The following ROR1 variants were observed in gnomAD, a reference collection of about 807,000 sequenced individuals.
The protein encoded by ROR1 is ROR family WNT receptor 1.
Under a neutral mutation model 78.8 loss-of-function variants are expected in ROR1, and 19 were observed. That is an observed-to-expected ratio of 0.24 (90% CI 0.17 to 0.35). The LOEUF is 0.35. ROR1 is among the 10% of genes least tolerant of loss of function. ROR1 has a pLI of 1.00. For synonymous variants in ROR1, 386 were observed against 433.6 expected, an observed-to-expected ratio of 0.89 and a Z score of 1.36; for missense variants, 917 against 1,177.8, an observed-to-expected ratio of 0.78 and a Z score of 3.24.
At chr1:64,003,918 G>A (rs1393118865) in intron 1 of ROR1, among the ~76,000 whole-genome samples, 2 of 152,122 alleles carry the variant, frequency 1.3e-5, no homozygotes, top group Admixed American at 6.6e-5. Context: ...CTGTTTTCCC[G>A]CCACCCTCCA....
At chr1:63,843,399 T>C in intron 1 of ROR1, 1 of 748,862 alleles carries the variant, frequency 1.3e-6, no homozygotes, top group South Asian at 1.4e-5. Flanking sequence ...CACCAGGTCC[T>C]CCTCCTTGCT....
At chr1:63,910,971 T>C (rs927936680) in intron 1 of ROR1, among the ~76,000 whole-genome samples, 5 of 152,200 alleles carry the variant, frequency 3.3e-5, no homozygotes, top group African/African-American at 1.2e-4. Context: ...GAGATGACTT[T>C]TGTATAAGTC....
chr1:64,167,276 A>G (rs1441092052), intron 8 of ROR1, among the ~76,000 whole-genome samples: 1 of 152,178 alleles, frequency 6.6e-6, no homozygotes, highest in Non-Finnish European at 1.5e-5. Context: ...AACCTCTCCC[A>G]TTGGCATTAT....
chr1:63,782,297 T>C (rs1399122847), intron 1 of ROR1, among the ~76,000 whole-genome samples: 1 of 152,194 alleles, frequency 6.6e-6, no homozygotes, highest in African/African-American at 2.4e-5. Context: ...GACTAAATAC[T>C]AGCCAATTAA....
chr1:64,055,179 T>C (rs1646864622), intron 4 of ROR1, among the ~76,000 whole-genome samples: 1 of 152,218 alleles, frequency 6.6e-6, no homozygotes, highest in African/African-American at 2.4e-5. Context: ...ATTGCAAAGT[T>C]TTTCTCAGCC....
At chr1:64,175,399 T>C (rs951735126) in intron 8 of ROR1, among the ~76,000 whole-genome samples, 1 of 152,192 alleles carries the variant, frequency 6.6e-6, no homozygotes, top group African/African-American at 2.4e-5. Flanking sequence ...ATATTCTATT[T>C]ACTAGCTCCA....
Position 63,774,277 on chromosome 1 carries a change from G to A in ROR1, c.-141G>A. 4.8e-6 allele frequency: 2 copies of A among 417,552 alleles called. No homozygotes were observed. The highest frequency in any genetic ancestry group is 7.9e-6 in the Non-Finnish European group (2 of 252,504). The allele number at this position is 417,552 out of a possible 1,614,324, so 25.9% of individuals were successfully genotyped here. Reference sequence around the variant, plus strand: ...CGGAGGCGAGGGAGCAGGTTAGAGGGACAAAGAGCTTTGCAGACGTCCCCG... The same window carrying A: ...CGGAGGCGAGGGAGCAGGTTAGAGGAACAAAGAGCTTTGCAGACGTCCCCG... On this transcript the variant is annotated 5_prime_UTR_variant, in exon 1 of 9. Coordinates refer to ENST00000371079, the MANE Select transcript of ROR1 (RefSeq NM_005012.4). This position sits in a 1 kb window ranked among gnomAD's most constrained non-coding sequence, Gnocchi z 5.7.
intron 2 of ROR1, among the ~76,000 whole-genome samples, chr1:64,021,242 T>C (rs1377820556): frequency 6.6e-6 from 1 of 152,344 alleles, no homozygotes; most frequent in East Asian, 1.9e-4. Context: ...TTTCTATCCA[T>C]GGTCTTTACT....
rs370737556 is a variant in ROR1 at position 64,091,061 on chromosome 1, C to T, written c.482+40345C>T. On this transcript the variant is annotated intron_variant, in intron 4 of 8. Transcript: ENST00000371079. ...TAAAGATCCTGTAGATGGTTAGAGG[C>T]AGCTAGGATTCAAATACCCATCTGT... Among the ~76,000 whole-genome samples, 19 of 152,284 alleles carry T rather than the reference C, an allele frequency of 1.2e-4. 1 individual carries two copies. The highest frequency in any genetic ancestry group is 4.6e-4 in the African/African-American group (19 of 41,564).
intron 5 of ROR1, among the ~76,000 whole-genome samples, chr1:64,139,641 G>T (rs1649236330): frequency 6.6e-6 from 1 of 152,126 alleles, no homozygotes; most frequent in South Asian, 2.1e-4. Flanking sequence ...AAGAAATTAA[G>T]CAAGTTACCC....
intron 4 of ROR1, 83 bp from the exon 5 acceptor site, chr1:64,137,286 T>C: frequency 6.8e-7 from 1 of 1,477,470 alleles, no homozygotes; most frequent in African/African-American, 1.4e-5. Context: ...CTAGTGACTA[T>C]TTAGGGTATC....
intron 4 of ROR1, among the ~76,000 whole-genome samples, chr1:64,083,536 T>TGTGTGTGTGTGTGTGTGTGTGTGTGTG (rs139973518): frequency 1.1e-4 from 16 of 150,708 alleles, no homozygotes; most frequent in South Asian, 8.4e-4. Flanking sequence ...AGTGTGTGTG[T>TGTGTGTGTGTGTGTGTGTGTGTGTGTG]TTTAGGAACA....
intron 4 of ROR1, among the ~76,000 whole-genome samples, chr1:64,098,086 G>A (rs981960244): frequency 2.0e-5 from 3 of 152,036 alleles, no homozygotes; most frequent in African/African-American, 4.8e-5. Context: ...TCTGCCACTC[G>A]ACAGGAACTT....
chr1:64,169,565 A>T (rs1460082813), intron 8 of ROR1, among the ~76,000 whole-genome samples: 1 of 152,148 alleles, frequency 6.6e-6, no homozygotes, highest in Admixed American at 6.5e-5. Context: ...GACACTGCCA[A>T]ACCATATCAT....
At chr1:64,162,519 G>A (rs1007707339) in intron 8 of ROR1, among the ~76,000 whole-genome samples, 9 of 152,206 alleles carry the variant, frequency 5.9e-5, no homozygotes, top group Admixed American at 1.3e-4. Context: ...CCTTAACGCC[G>A]AACAATCAGG....
chr1:63,955,017 T>G (rs1645969675), intron 1 of ROR1, among the ~76,000 whole-genome samples: 1 of 152,182 alleles, frequency 6.6e-6, no homozygotes, highest in Admixed American at 6.5e-5. Flanking sequence ...TGTCTGATCC[T>G]GCAAAATGCA....
rs146780190 is a variant in ROR1, at chr1:63,808,655, G to A, written c.91+34147G>A. 2.2e-3 allele frequency among the ~76,000 whole-genome samples: 333 copies of A among 152,198 alleles called. 5 individuals carry two copies. Among genetic ancestry groups the A allele is most frequent in the East Asian group, 5.2e-3 (27 of 5,174 alleles). The stretch of plus-strand genomic sequence containing the variant: ...GGAGGTTTCCCAGGTGACTTTCACC[G>A]TATTTCATTGGCCAGAAATGTGTCA... On this transcript the variant is annotated intron_variant, in intron 1 of 8. Coordinates refer to ENST00000371079, the MANE Select transcript of ROR1 (RefSeq NM_005012.4).
In ROR1 at chr1:64,142,636, A is replaced by G. The variant is rs1649355702; in HGVS notation, c.1160A>G (p.Asp387Gly). The change falls in exon 7 of 9, where the codon GAC becomes GGC. Residue 387 changes from aspartate (D) to glycine (G), a missense_variant. Asp to Gly is a moderately conservative substitution (Grantham distance 94). Transcript: ENST00000371079. ...LDENFKSDLCDIPACDSKDSK... is the reference protein window; with the variant it reads ...LDENFKSDLCGIPACDSKDSK... ...GAAAACTTTAAGTCTGATCTGTGTGACATCCCAGCGTGCGGTAAATAGAAG... is the reference window on the plus strand; with the variant it reads ...GAAAACTTTAAGTCTGATCTGTGTGGCATCCCAGCGTGCGGTAAATAGAAG... 2 of 1,614,128 alleles carry G rather than the reference A, an allele frequency of 1.2e-6. No homozygotes were observed. Among genetic ancestry groups the G allele is most frequent in the East Asian group, 4.5e-5 (2 of 44,856 alleles).
intron 1 of ROR1, among the ~76,000 whole-genome samples, chr1:63,824,791 C>T (rs147186815): frequency 2.1e-3 from 321 of 152,152 alleles, no homozygotes; most frequent in Admixed American, 4.8e-3. Flanking sequence ...AAAGAAAAAA[C>T]GCTTTCCTAT....
Sources: allele counts gnomAD v4.1 joint callset (sites outside exome capture counted in the v4.1 genomes callset), GRCh38; gene constraint gnomAD v4.1.1; non-coding constraint Gnocchi (gnomAD v3.1); transcripts MANE v1.5; gene names NCBI Gene and HGNC (gene_info 2026-07-23, HGNC 2026-07-21).